Variants in MMP20 observed in about 807,000 individuals in gnomAD.
MMP20 encodes matrix metallopeptidase 20.
MMP20 carries 50 observed loss-of-function variants against 51.8 expected under a neutral mutation model. The observed-to-expected ratio is 0.97, with a 90% CI of 0.77 to 1.22. MMP20 has a LOEUF of 1.22. Ranked by LOEUF, MMP20 falls within the 50% of genes most tolerant of loss-of-function variation. The pLI, the probability that MMP20 is intolerant of heterozygous loss-of-function variation, is 0.00. For synonymous variants in MMP20, 244 were observed against 216.2 expected, an observed-to-expected ratio of 1.13 and a Z score of -1.13; for missense variants, 663 against 601.4, an observed-to-expected ratio of 1.10 and a Z score of -1.07.
intron 1 of MMP20, among the ~76,000 whole-genome samples, chr11:102,619,880 T>C (rs1256023574): frequency 6.6e-6 from 1 of 152,174 alleles, no homozygotes; most frequent in African/African-American, 2.4e-5. Context: ...GGTTTCTGGC[T>C]GGTCATATAG....
intron 8 of MMP20, among the ~76,000 whole-genome samples, chr11:102,582,909 C>T (rs12803418): frequency 0.031 from 4,794 of 152,234 alleles, 132 homozygotes; most frequent in Non-Finnish European, 0.051. Context: ...ACATGCTGTC[C>T]TTGGACCCCA....
chr11:102,602,141 T>TTTTTTTTTTTTA (rs1859455919), intron 6 of MMP20, among the ~76,000 whole-genome samples: 1 of 77,868 alleles, frequency 1.3e-5, no homozygotes, highest in Non-Finnish European at 2.7e-5. Flanking sequence ...TTTTTTTTTT[T>TTTTTTTTTTTTA]GTATTTTTAG....
intron 1 of MMP20, among the ~76,000 whole-genome samples, chr11:102,622,105 C>A (rs1859758294): frequency 6.6e-6 from 1 of 152,104 alleles, no homozygotes; most frequent in African/African-American, 2.4e-5. Context: ...GGCAAATTAG[C>A]AAATCAGAAT....
chr11:102,611,333 G>T (rs1205850997), intron 3 of MMP20, among the ~76,000 whole-genome samples: 1 of 152,200 alleles, frequency 6.6e-6, no homozygotes, highest in Non-Finnish European at 1.5e-5. Flanking sequence ...GGGGAAAGCT[G>T]CTTCAAGGTC....
intron 1 of MMP20, among the ~76,000 whole-genome samples, chr11:102,622,666 A>T (rs1565402059): frequency 6.6e-6 from 1 of 152,050 alleles, no homozygotes; most frequent in African/African-American, 2.4e-5. Context: ...CATCTTGTGC[A>T]CTCATTGGTT....
chr11:102,611,930 CT>C, intron 2 of MMP20, 27 bp from the exon 3 acceptor site: 1 of 1,612,684 alleles, frequency 6.2e-7, no homozygotes, highest in Non-Finnish European at 8.5e-7. Flanking sequence ...AACATGTTTT[CT>C]TTTCAGTAAC....
intron 1 of MMP20, among the ~76,000 whole-genome samples, chr11:102,617,307 T>C (rs531485085): frequency 2.1e-4 from 32 of 152,368 alleles, no homozygotes; most frequent in African/African-American, 7.2e-4. Flanking sequence ...CTGCATTTTA[T>C]AGTTTTTCTA....
At position 102,594,883 on chromosome 11, in the gene MMP20, C is replaced by T. The variant is rs532825445; in HGVS notation, c.954-126G>A. 1.4e-5 allele frequency: 17 copies of T among 1,240,072 alleles called. No homozygotes were observed. The East Asian group carries it at 3.1e-4, about 22-fold the overall frequency. 76.8% of individuals were successfully genotyped at this position (1,240,072 alleles called of 1,614,324 possible). On this transcript the variant is annotated intron_variant, in intron 6 of 9. Transcript: ENST00000260228. The stretch of plus-strand genomic sequence containing the variant: ...CTAAATGCCCTTTGCTCTTGCCTTG[C>T]CTTGCCTTGTTTTTTTTCTCTTTTC...
intron 9 of MMP20, among the ~76,000 whole-genome samples, chr11:102,578,042 A>G (rs1859147139): frequency 6.6e-6 from 1 of 152,122 alleles, no homozygotes; most frequent in African/African-American, 2.4e-5. Context: ...CAGAAGATTT[A>G]ATTAAATGTA....
intron 5 of MMP20, chr11:102,606,971 G>T: frequency 2.4e-6 from 1 of 410,086 alleles, no homozygotes. Flanking sequence ...CTGTAAAGCA[G>T]GTAGCAGAGT....
chr11:102,590,950 A>T (rs1859310109), intron 8 of MMP20, among the ~76,000 whole-genome samples: 1 of 152,216 alleles, frequency 6.6e-6, no homozygotes, highest in African/African-American at 2.4e-5. Context: ...GTCCCTGTTG[A>T]TCACCAGCCT....
intron 8 of MMP20, among the ~76,000 whole-genome samples, chr11:102,583,763 C>CTT (rs1208926335): frequency 6.6e-6 from 1 of 152,172 alleles, no homozygotes; most frequent in African/African-American, 2.4e-5. Flanking sequence ...AACCTTATGC[C>CTT]TTTTCACTGT....
chr11:102,580,324 T>C (rs1319309144), intron 8 of MMP20, among the ~76,000 whole-genome samples: 1 of 152,236 alleles, frequency 6.6e-6, no homozygotes, highest in Non-Finnish European at 1.5e-5. Context: ...GAGTTCCAAA[T>C]GGGGACACTC....
At chr11:102,614,827 G>A (rs1447191820) in intron 2 of MMP20, among the ~76,000 whole-genome samples, 1 of 151,592 alleles carries the variant, frequency 6.6e-6, no homozygotes, top group African/African-American at 2.4e-5. Context: ...CACTTGATTT[G>A]CATGACTTGC....
chr11:102,583,822 C>G lies in MMP20; in HGVS notation c.1248-4680G>C, dbSNP rs147940589. ...ATCCCCCATCTCAACCAGACCTAGA[C>G]AATCACTATCTACTTTCTGTCTGTT... is the stretch of plus-strand genomic sequence containing the variant. On this transcript the variant is annotated intron_variant, in intron 8 of 9. Coordinates refer to ENST00000260228, the MANE Select transcript of MMP20 (RefSeq NM_004771.4). 4.9e-3 allele frequency among the ~76,000 whole-genome samples: 751 copies of G among 152,330 alleles called. 3 individuals carry two copies. Among genetic ancestry groups the G allele is most frequent in the African/African-American group, 0.017 (704 of 41,582 alleles).
chr11:102,586,741 C>T (rs968664339), intron 8 of MMP20, among the ~76,000 whole-genome samples: 3 of 151,796 alleles, frequency 2.0e-5, no homozygotes, highest in East Asian at 1.9e-4. Context: ...GGTGTGAACC[C>T]GGGAGGCGGA....
chr11:102,603,778 A>C (rs1043967694), intron 6 of MMP20, among the ~76,000 whole-genome samples: 1 of 152,138 alleles, frequency 6.6e-6, no homozygotes, highest in South Asian at 2.1e-4. Flanking sequence ...CCAGTAGCTC[A>C]TTGAATCTGA....
At chr11:102,625,138 C>G in intron 1 of MMP20, 56 bp downstream of exon 1, 1 of 1,608,734 alleles carries the variant, frequency 6.2e-7, no homozygotes. Flanking sequence ...TCACTATGCC[C>G]TTTTAGGTTT....
chr11:102,584,984 G>A (rs574573236), intron 8 of MMP20, among the ~76,000 whole-genome samples: 3 of 152,036 alleles, frequency 2.0e-5, no homozygotes, highest in Non-Finnish European at 4.4e-5. Context: ...AACATGTATG[G>A]CTATCCTTAT....
Sources: allele counts gnomAD v4.1 joint callset (sites outside exome capture counted in the v4.1 genomes callset), GRCh38; gene constraint gnomAD v4.1.1; transcripts MANE v1.5; gene names NCBI Gene and HGNC (gene_info 2026-07-23, HGNC 2026-07-21).